The following PARD3 variants were observed in gnomAD, a reference collection of about 807,000 sequenced individuals.
PARD3 encodes the protein par-3 family cell polarity regulator.
Under a neutral mutation model 155.4 loss-of-function variants are expected in PARD3, and 75 were observed. That is an observed-to-expected ratio of 0.48 (90% CI 0.40 to 0.58). The LOEUF (loss-of-function observed/expected upper bound fraction) is 0.58, where lower values mean the gene tolerates loss of function less well. PARD3 is among the 20% of genes least tolerant of loss of function. The pLI, the probability that PARD3 is intolerant of heterozygous loss-of-function variation, is 0.00. For synonymous variants in PARD3, 576 were observed against 610.5 expected (o/e 0.94, Z 0.83); for missense variants, 1,642 against 1,721.7 (o/e 0.95, Z 0.82).
intron 2 of PARD3, among the ~76,000 whole-genome samples, chr10:34,539,716 C>G (rs548769679): frequency 6.6e-6 from 1 of 152,018 alleles, no homozygotes; most frequent in African/African-American, 2.4e-5. Flanking sequence ...TCTGTGTGGC[C>G]TTGGATTGTC....
chr10:34,434,192 G>A (rs1417068658), intron 5 of PARD3, among the ~76,000 whole-genome samples: 1 of 151,148 alleles, frequency 6.6e-6, no homozygotes, highest in Non-Finnish European at 1.5e-5. Flanking sequence ...GGGTAGATCT[G>A]GAGACTAGAG....
intron 2 of PARD3, among the ~76,000 whole-genome samples, chr10:34,627,793 T>C (rs546156451): frequency 1.3e-5 from 2 of 152,348 alleles, no homozygotes; most frequent in South Asian, 4.1e-4. Flanking sequence ...TACTTTGTTA[T>C]GACGTCCCTT....
chr10:34,231,105 T>C (rs1014025474), intron 22 of PARD3, among the ~76,000 whole-genome samples: 13 of 151,886 alleles, frequency 8.6e-5, no homozygotes, highest in Admixed American at 7.9e-4. Context: ...GCCACAAAAA[T>C]TTCTCAGTTT....
chr10:34,125,250 A>C (rs2132721165), intron 23 of PARD3, among the ~76,000 whole-genome samples: 1 of 152,140 alleles, frequency 6.6e-6, no homozygotes, highest in South Asian at 2.1e-4. Flanking sequence ...TATTTTTAGT[A>C]GAGACGGGGT....
chr10:34,630,381 A>T (rs1280518647), intron 2 of PARD3, among the ~76,000 whole-genome samples: 2 of 151,100 alleles, frequency 1.3e-5, no homozygotes, highest in African/African-American at 4.9e-5. Context: ...AACACCCATG[A>T]CCAACTATGG....
intron 15 of PARD3, 38 bp downstream of exon 15, chr10:34,347,927 A>G (rs775133304): frequency 5.8e-6 from 9 of 1,562,156 alleles, no homozygotes; most frequent in Non-Finnish European, 7.8e-6. Context: ...TGAAAGCATC[A>G]AAATAAGATG....
intron 3 of PARD3, among the ~76,000 whole-genome samples, chr10:34,506,492 C>T (rs2081071838): frequency 6.6e-6 from 1 of 152,092 alleles, no homozygotes; most frequent in Non-Finnish European, 1.5e-5. Flanking sequence ...AAGTCATGCA[C>T]ATGTCTCAAT....
At chr10:34,534,003 T>G (rs76266639) in intron 2 of PARD3, among the ~76,000 whole-genome samples, 1 of 152,050 alleles carries the variant, frequency 6.6e-6, no homozygotes, top group African/African-American at 2.4e-5. Flanking sequence ...CCCATTTCCA[T>G]GAAAGGCTGC....
Position 34,610,084 on chromosome 10 carries a change from T to C in PARD3, c.222+86234A>G, listed in dbSNP as rs80102043. Among the ~76,000 whole-genome samples, 1,452 of 152,320 alleles carry C rather than the reference T, an allele frequency of 9.5e-3. 28 individuals are homozygous for C. Among genetic ancestry groups the C allele is most frequent in the African/African-American group, 0.033 (1,374 of 41,558 alleles). On this transcript the variant is annotated intron_variant, in intron 2 of 24. Transcript: ENST00000374788. ...TTATTGAAGCTCTGGTTATTCATGA[T>C]AGATTCATCCACATCTACTCTAATC...
chr10:34,691,705 C>T (rs926635615), intron 2 of PARD3, among the ~76,000 whole-genome samples: 2 of 152,198 alleles, frequency 1.3e-5, no homozygotes, highest in African/African-American at 2.4e-5. Flanking sequence ...TACAAGGCTA[C>T]AGTAACCAAA....
intron 22 of PARD3, among the ~76,000 whole-genome samples, chr10:34,222,579 A>G (rs956096296): frequency 6.6e-6 from 1 of 152,260 alleles, no homozygotes; most frequent in Non-Finnish European, 1.5e-5. Context: ...AGAGAGATCC[A>G]TCTGGTGGTG....
intron 2 of PARD3, among the ~76,000 whole-genome samples, chr10:34,559,114 C>CAAAG (rs2085260665): frequency 6.6e-6 from 1 of 151,952 alleles, no homozygotes; most frequent in East Asian, 1.9e-4. Flanking sequence ...CTGTGACTTT[C>CAAAG]TCATTCACCT....
chr10:34,766,984 G>C (rs1241308980), intron 1 of PARD3, among the ~76,000 whole-genome samples: 1 of 152,078 alleles, frequency 6.6e-6, no homozygotes, highest in East Asian at 1.9e-4. Context: ...GGGAGAAGAG[G>C]TCCCACAAGC....
chr10:34,465,824 C>T (rs934303079), intron 4 of PARD3, among the ~76,000 whole-genome samples: 5 of 151,774 alleles, frequency 3.3e-5, no homozygotes, highest in Non-Finnish European at 5.9e-5. Context: ...TCCTTATCCC[C>T]GGCACTGCAT....
At chr10:34,643,984 T>G (rs549877700) in intron 2 of PARD3, among the ~76,000 whole-genome samples, 2 of 152,330 alleles carry the variant, frequency 1.3e-5, no homozygotes, top group South Asian at 4.1e-4. Context: ...TGGAGGGATG[T>G]GTATGTGCCT....
chr10:34,615,884 C>T (rs993079248), intron 2 of PARD3, among the ~76,000 whole-genome samples: 1 of 152,148 alleles, frequency 6.6e-6, no homozygotes, highest in Non-Finnish European at 1.5e-5. Context: ...ATCAAAACCA[C>T]ACTGTGATGT....
chr10:34,543,586 T>A (rs1242952348), intron 2 of PARD3, among the ~76,000 whole-genome samples: 1 of 152,230 alleles, frequency 6.6e-6, no homozygotes, highest in African/African-American at 2.4e-5. Flanking sequence ...TCTTTGCTTT[T>A]CAAACTATGG....
intron 23 of PARD3, among the ~76,000 whole-genome samples, chr10:34,120,004 A>ATTTTTTTTTTTTTTTTT (rs1185067110): frequency 6.8e-5 from 5 of 73,824 alleles, no homozygotes; most frequent in African/African-American, 1.8e-4. Flanking sequence ...GTCTTCTTTA[A>ATTTTTTTTTTTTTTTTT]TTTTTTTTTT....
At chr10:34,812,586 A>C (rs755305921) in intron 1 of PARD3, among the ~76,000 whole-genome samples, 24 of 152,234 alleles carry the variant, frequency 1.6e-4, no homozygotes, top group Non-Finnish European at 3.1e-4. Flanking sequence ...AACGAGAAAA[A>C]GGAGACCTAG....
Sources: gnomAD v4.1 joint callset for allele counts (sites outside exome capture counted in the v4.1 genomes callset) on GRCh38, gnomAD v4.1.1 for gene constraint, MANE v1.5 for transcripts, NCBI Gene and HGNC (gene_info 2026-07-23, HGNC 2026-07-21) for gene names.